The following RAPGEF5 variants were observed in gnomAD, a reference collection of about 807,000 sequenced individuals.
The protein encoded by RAPGEF5 is Rap guanine nucleotide exchange factor 5, also known as M-Ras-regulated GEF.
In RAPGEF5, 65 loss-of-function variants were observed where a neutral mutation model predicts 125.2. That is an observed-to-expected ratio of 0.52 (90% CI 0.43 to 0.64). The LOEUF (loss-of-function observed/expected upper bound fraction) is 0.64, where lower values mean the gene tolerates loss of function less well. Ranked by LOEUF, RAPGEF5 falls within the 30% of genes least tolerant of loss-of-function variation. RAPGEF5 has a pLI of 0.00. For missense variants in RAPGEF5, 958 were observed against 1,048.1 expected (o/e 0.91, Z 1.19); for synonymous variants, 391 against 385.9 (o/e 1.01, Z -0.16).
chr7:22,132,679 G>C (rs1224268299), intron 23 of RAPGEF5, among the ~76,000 whole-genome samples: 1 of 152,118 alleles, frequency 6.6e-6, no homozygotes, highest in Admixed American at 6.6e-5. Context: ...TCTCAGAGTG[G>C]CTTAGTCCAT....
At position 22,136,965 on chromosome 7, in the gene RAPGEF5, T is replaced by C; in HGVS notation, c.2296A>G (p.Lys766Glu). The change falls in exon 22 of 26, where the codon AAG becomes GAG. Residue 766 changes from lysine (K) to glutamate (E), a missense_variant. Physicochemically the swap from Lys to Glu is moderately conservative, Grantham distance 56 (BLOSUM62 1). Transcript: ENST00000665637. ...QTWEKIPGKF[K>E]KLFSELESLT... ...CTTTCAAGTTCAGAGAAAAGTTTCT[T>C]AAACTTCCCAGGGATTTTCTAAAAA... 1 of 1,586,196 alleles carries C rather than the reference T, an allele frequency of 6.3e-7. No homozygotes were observed. Among genetic ancestry groups the C allele is most frequent in the Non-Finnish European group, 8.6e-7 (1 of 1,162,504 alleles).
chr7:22,278,988 C>T (rs991323981), intron 6 of RAPGEF5, among the ~76,000 whole-genome samples: 1 of 152,020 alleles, frequency 6.6e-6, no homozygotes. Flanking sequence ...GCACACAGAT[C>T]TCTTATATGT....
At chr7:22,230,244 A>G (rs1017434316) in intron 8 of RAPGEF5, among the ~76,000 whole-genome samples, 2 of 152,204 alleles carry the variant, frequency 1.3e-5, no homozygotes, top group African/African-American at 2.4e-5. Context: ...CAGCAAAACA[A>G]TGTGACTTTA....
chr7:22,211,116 G>C (rs1353334199), intron 9 of RAPGEF5, among the ~76,000 whole-genome samples: 1 of 152,076 alleles, frequency 6.6e-6, no homozygotes, highest in Non-Finnish European at 1.5e-5. Flanking sequence ...TTCTATTTTT[G>C]CTATCTTAAA....
chr7:22,221,595 G>A (rs1021943282), intron 8 of RAPGEF5, among the ~76,000 whole-genome samples: 12 of 152,094 alleles, frequency 7.9e-5, no homozygotes, highest in Admixed American at 1.3e-4. Context: ...AGGATTTTCC[G>A]GTGCTATTCT....
chr7:22,240,487 T>A (rs2093498570), intron 7 of RAPGEF5, among the ~76,000 whole-genome samples: 1 of 152,064 alleles, frequency 6.6e-6, no homozygotes, highest in Non-Finnish European at 1.5e-5. Context: ...TTCTCCTGCC[T>A]CAGCCTCCCA....
chr7:22,168,646 A>C (rs1470182615), intron 11 of RAPGEF5, among the ~76,000 whole-genome samples: 3 of 152,226 alleles, frequency 2.0e-5, no homozygotes, highest in Admixed American at 6.5e-5. Flanking sequence ...TTTACTTTAA[A>C]AGTTAATCAG....
rs1285267097 is a variant in RAPGEF5 at position 22,120,233 on chromosome 7, T to C, written c.*2173A>G. ...TTTCTCCCCAGCCAGTTTACACCCA[T>C]GTCATGTGAGATACTCTGAAGTCAC... On this transcript the variant is annotated 3_prime_UTR_variant, in exon 26 of 26. Coordinates refer to ENST00000665637, the MANE Select transcript of RAPGEF5 (RefSeq NM_012294.5). The surrounding 1 kb of genome is among the most constrained non-coding windows in gnomAD (Gnocchi z 4.0). 6.6e-6 allele frequency: 1 copy of C among 152,164 alleles called. No individual in the cohort carries two copies. The highest frequency in any genetic ancestry group is 1.5e-5 in the Non-Finnish European group (1 of 68,034). 9.4% of individuals were successfully genotyped at this position (152,164 alleles called of 1,614,324 possible). A position where few individuals can be genotyped will look rare whatever the true frequency, so the allele number is the denominator to read the frequency against.
intron 8 of RAPGEF5, 67 bp downstream of exon 8, chr7:22,230,779 C>A: frequency 7.2e-7 from 1 of 1,390,768 alleles, no homozygotes; most frequent in Non-Finnish European, 9.9e-7. Context: ...TTTTTTAACA[C>A]CTGCACTGTC....
chr7:22,327,682 C>T (rs1449892713), intron 1 of RAPGEF5, among the ~76,000 whole-genome samples: 3 of 152,230 alleles, frequency 2.0e-5, no homozygotes, highest in Non-Finnish European at 4.4e-5. Context: ...ACTTCTTTGT[C>T]CCTCTGTTTC....
At chr7:22,339,408 G>A (rs1407966510) in intron 1 of RAPGEF5, among the ~76,000 whole-genome samples, 3 of 152,234 alleles carry the variant, frequency 2.0e-5, no homozygotes, top group African/African-American at 4.8e-5. Flanking sequence ...CTCCCCTGAA[G>A]AGCGTCCGGA....
At chr7:22,270,074 G>A (rs1220859647) in intron 6 of RAPGEF5, among the ~76,000 whole-genome samples, 1 of 152,222 alleles carries the variant, frequency 6.6e-6, no homozygotes, top group Non-Finnish European at 1.5e-5. Flanking sequence ...AAACAAGCTT[G>A]CTTACTTGTG....
At chr7:22,289,584 A>G (rs1782882861) in intron 6 of RAPGEF5, among the ~76,000 whole-genome samples, 1 of 152,270 alleles carries the variant, frequency 6.6e-6, no homozygotes, top group Non-Finnish European at 1.5e-5. Context: ...ATAATTATGC[A>G]CACCACAGGC....
intron 11 of RAPGEF5, among the ~76,000 whole-genome samples, chr7:22,189,694 C>G (rs1784932991): frequency 6.6e-6 from 1 of 151,936 alleles, no homozygotes; most frequent in Non-Finnish European, 1.5e-5. Context: ...TCTTTGAAAA[C>G]AGCTTCAATC....
At chr7:22,271,171 T>C (rs926790678) in intron 6 of RAPGEF5, among the ~76,000 whole-genome samples, 13 of 152,110 alleles carry the variant, frequency 8.5e-5, no homozygotes, top group African/African-American at 2.9e-4. Context: ...TTAGAATCAT[T>C]TGGAGAGGTT....
intron 8 of RAPGEF5, among the ~76,000 whole-genome samples, chr7:22,229,426 G>A (rs10266901): frequency 0.56 from 85,008 of 152,018 alleles, 24,135 homozygotes; most frequent in East Asian, 0.84. Context: ...CACTTAACTT[G>A]CTTAAAATAT....
chr7:22,235,508 T>C (rs1046672816), intron 7 of RAPGEF5, among the ~76,000 whole-genome samples: 4 of 152,158 alleles, frequency 2.6e-5, no homozygotes, highest in Admixed American at 1.3e-4. Context: ...CAGAATATCA[T>C]AGGAAGAATA....
intron 5 of RAPGEF5, 131 bp downstream of exon 5, chr7:22,308,208 C>T (rs1029732200): frequency 3.4e-6 from 3 of 879,958 alleles, no homozygotes; most frequent in Non-Finnish European, 3.2e-6. Context: ...TCTAAATGTG[C>T]ATCTGAAAAA....
At chr7:22,288,082 A>T (rs1485884045) in intron 6 of RAPGEF5, among the ~76,000 whole-genome samples, 1 of 152,182 alleles carries the variant, frequency 6.6e-6, no homozygotes, top group African/African-American at 2.4e-5. Flanking sequence ...CAGCAAGATT[A>T]TGTCAACTAA....
Sources: gnomAD v4.1 joint callset for allele counts (sites outside exome capture counted in the v4.1 genomes callset) on GRCh38, gnomAD v4.1.1 for gene constraint, Gnocchi (gnomAD v3.1) non-coding constraint, MANE v1.5 for transcripts, NCBI Gene and HGNC (gene_info 2026-07-23, HGNC 2026-07-21) for gene names.